Variants in PPP2R5C observed in about 807,000 individuals in gnomAD.
The protein encoded by PPP2R5C is protein phosphatase 2 regulatory subunit B'gamma, also known as serine/threonine-protein phosphatase 2A 56 kDa regulatory subunit gamma isoform.
PPP2R5C carries 7 observed loss-of-function variants against 68.9 expected under a neutral mutation model. The ratio of observed to expected loss-of-function variants is 0.10; its 90% CI spans 0.06 to 0.19. The LOEUF is 0.19. Among genes scored for constraint, PPP2R5C ranks in the 10% least tolerant of loss-of-function variants. The pLI is 1.00. For synonymous variants in PPP2R5C, 210 were observed against 222.2 expected (o/e 0.95, Z 0.49); for missense variants, 348 against 641.3 (o/e 0.54, Z 4.94).
chr14:101,801,195 G>A (rs2038847966), intron 3 of PPP2R5C, among the ~76,000 whole-genome samples: 1 of 152,316 alleles, frequency 6.6e-6, no homozygotes, highest in African/African-American at 2.4e-5. Context: ...TTTCAAAGTA[G>A]CTGGAAGAGA....
intron 1 of PPP2R5C, among the ~76,000 whole-genome samples, chr14:101,842,374 C>T (rs964687369): frequency 6.6e-6 from 1 of 152,170 alleles, no homozygotes. Context: ...GCAGGAGCGC[C>T]CGTGGGCTCT....
At chr14:101,856,540 A>C in intron 1 of PPP2R5C, 146 bp from the exon 4 acceptor site, 1 of 739,316 alleles carries the variant, frequency 1.4e-6, no homozygotes. Flanking sequence ...TATTTTCTTT[A>C]AGGAATAGCC....
chr14:101,823,292 C>T (rs551939983), intron 1 of PPP2R5C, among the ~76,000 whole-genome samples: 2 of 152,168 alleles, frequency 1.3e-5, no homozygotes, highest in Non-Finnish European at 2.9e-5. Context: ...CTGCAGAACC[C>T]GGGCCGAGCA....
chr14:101,821,483 G>GTA (rs2040069884), intron 1 of PPP2R5C, among the ~76,000 whole-genome samples: 1 of 151,242 alleles, frequency 6.6e-6, no homozygotes, highest in African/African-American at 2.4e-5. Context: ...GTGTGTGTGT[G>GTA]TATTTATCCA....
At chr14:101,761,883 C>T (rs1406285044), upstream of PPP2R5C, 2 of 1,148,102 alleles carry the variant, frequency 1.7e-6, no homozygotes, top group African/African-American at 3.3e-5. Flanking sequence ...CGGCGGCGGC[C>T]CGCTCCAGCC....
Position 101,825,340 on chromosome 14 carries a change from A to G in PPP2R5C, c.94+15304A>G, listed in dbSNP as rs1472782361. ...CTGATAATGGAATCCGGGCATTGCT[A>G]TCTTTCTGTGTCTTAGAAGTTACTG... On this transcript the variant is annotated intron_variant, in intron 1 of 13. Transcript: ENST00000334743. This position sits in a 1 kb window ranked among gnomAD's most constrained non-coding sequence, Gnocchi z 4.0. 2.0e-5 allele frequency among the ~76,000 whole-genome samples: 3 copies of G among 152,098 alleles called. No individual in the cohort carries two copies. The highest frequency in any genetic ancestry group is 2.1e-4 in the South Asian group (1 of 4,828).
At chr14:101,840,101 A>G (rs2041369834) in intron 1 of PPP2R5C, among the ~76,000 whole-genome samples, 1 of 152,160 alleles carries the variant, frequency 6.6e-6, no homozygotes, top group Non-Finnish European at 1.5e-5. Flanking sequence ...AGAGCGAAAG[A>G]TTTCATTTAT....
intron 2 of PPP2R5C, among the ~76,000 whole-genome samples, chr14:101,774,731 A>T (rs990200947): frequency 6.6e-6 from 1 of 152,196 alleles, no homozygotes; most frequent in Non-Finnish European, 1.5e-5. Context: ...AGGTTTGCTG[A>T]TTGTGAGTGC....
At chr14:101,918,066 AT>A (rs1348598302) in intron 13 of PPP2R5C, 119 bp downstream of exon 15, 1 of 1,395,570 alleles carries the variant, frequency 7.2e-7, no homozygotes, top group Non-Finnish European at 9.6e-7. Context: ...TAAAACTTAA[AT>A]TTTGCTAGTC....
chr14:101,810,509 G>T (rs542130462), intron 1 of PPP2R5C, among the ~76,000 whole-genome samples: 6 of 152,210 alleles, frequency 3.9e-5, no homozygotes, highest in Non-Finnish European at 8.8e-5. Flanking sequence ...ATGCACAATT[G>T]ATTGGAAAAG....
At chr14:101,764,319 A>G (rs2036739983) in intron 2 of PPP2R5C, among the ~76,000 whole-genome samples, 1 of 152,202 alleles carries the variant, frequency 6.6e-6, no homozygotes, top group Non-Finnish European at 1.5e-5. Context: ...GTAGCACATA[A>G]TTGGGTTAAT....
chr14:101,875,801 T>G (rs1412885548), intron 2 of PPP2R5C, among the ~76,000 whole-genome samples: 2 of 152,240 alleles, frequency 1.3e-5, no homozygotes, highest in Admixed American at 6.5e-5. Context: ...TATACATTGC[T>G]CTGCGAAGTT....
At chr14:101,908,370 T>TTTTA (rs747587870) in intron 10 of PPP2R5C, among the ~76,000 whole-genome samples, 3 of 152,102 alleles carry the variant, frequency 2.0e-5, no homozygotes, top group Non-Finnish European at 2.9e-5. Flanking sequence ...CATTGATTTA[T>TTTTA]TTTATTTATT....
At chr14:101,776,860 G>A (rs1041663502) in intron 2 of PPP2R5C, among the ~76,000 whole-genome samples, 2 of 151,700 alleles carry the variant, frequency 1.3e-5, no homozygotes, top group African/African-American at 4.8e-5. Flanking sequence ...CCATGTTGTA[G>A]CGTGCGTCAT....
At chr14:101,772,465 T>A (rs971196132) in intron 2 of PPP2R5C, among the ~76,000 whole-genome samples, 1 of 152,138 alleles carries the variant, frequency 6.6e-6, no homozygotes, top group Non-Finnish European at 1.5e-5. Context: ...TTATTTATTT[T>A]GGGTTCAAAA....
chr14:101,909,742 TA>T, intron 11 of PPP2R5C, 52 bp downstream of exon 13: 1 of 1,328,444 alleles, frequency 7.5e-7, no homozygotes, highest in Non-Finnish European at 1.1e-6. Flanking sequence ...TTCTTAATCC[TA>T]AGTAAACCTC....
At chr14:101,787,624 A>C (rs191029424) in intron 3 of PPP2R5C, among the ~76,000 whole-genome samples, 1 of 151,834 alleles carries the variant, frequency 6.6e-6, no homozygotes, top group Non-Finnish European at 1.5e-5. Context: ...AAAATTAGCC[A>C]GGCGTGGTGG....
intron 1 of PPP2R5C, among the ~76,000 whole-genome samples, chr14:101,828,508 T>C (rs911583552): frequency 5.3e-5 from 8 of 152,114 alleles, no homozygotes; most frequent in African/African-American, 1.9e-4. Context: ...AAGGCAAGGA[T>C]ACTCTGTATG....
At chr14:101,801,763 C>A (rs1247647709) in intron 3 of PPP2R5C, among the ~76,000 whole-genome samples, 1 of 152,160 alleles carries the variant, frequency 6.6e-6, no homozygotes, top group Non-Finnish European at 1.5e-5. Flanking sequence ...TCAGTACTGC[C>A]CAAAGCAATC....
Sources: gnomAD v4.1 joint callset for allele counts (sites outside exome capture counted in the v4.1 genomes callset) on GRCh38, gnomAD v4.1.1 for gene constraint, Gnocchi (gnomAD v3.1) non-coding constraint, MANE v1.5 for transcripts, NCBI Gene and HGNC (gene_info 2026-07-23, HGNC 2026-07-21) for gene names.